The following MIR2052HG variants were observed in gnomAD, a reference collection of about 807,000 sequenced individuals.
The protein encoded by MIR2052HG is MIR2052 host gene.
At chr8:74,617,142 C>T (rs1200881689) in intron 2 of MIR2052HG, among the ~76,000 whole-genome samples, 3 of 152,090 alleles carry the variant, frequency 2.0e-5, no homozygotes, top group African/African-American at 4.8e-5. Context: ...TTCTTACATA[C>T]ATATATCATA....
intron 2 of MIR2052HG, among the ~76,000 whole-genome samples, chr8:74,669,409 A>T (rs1337276519): frequency 1.3e-5 from 2 of 152,192 alleles, no homozygotes; most frequent in Admixed American, 1.3e-4. Flanking sequence ...GCATATGCCC[A>T]TAAGTCTCCT....
chr8:74,634,124 C>T (rs1373599992), intron 2 of MIR2052HG, among the ~76,000 whole-genome samples: 1 of 152,170 alleles, frequency 6.6e-6, no homozygotes, highest in Non-Finnish European at 1.5e-5. Context: ...AGAAAGCATG[C>T]TTGCTCTTCA....
At chr8:74,723,201 G>A (rs6991391) in intron 4 of MIR2052HG, among the ~76,000 whole-genome samples, 3 of 151,994 alleles carry the variant, frequency 2.0e-5, no homozygotes, top group African/African-American at 2.4e-5. Flanking sequence ...CTTTCATCCC[G>A]CACTCAAGTC....
intron 2 of MIR2052HG, among the ~76,000 whole-genome samples, chr8:74,667,747 C>G (rs79851849): frequency 6.6e-6 from 1 of 152,046 alleles, no homozygotes; most frequent in African/African-American, 2.4e-5. Context: ...CTTTAACCAC[C>G]GCAGCACTCC....
intron 2 of MIR2052HG, among the ~76,000 whole-genome samples, chr8:74,684,868 A>G (rs1271639013): frequency 6.6e-6 from 1 of 152,144 alleles, no homozygotes; most frequent in African/African-American, 2.4e-5. Flanking sequence ...AATGGATTGG[A>G]GGGAATAATC....
intron 4 of MIR2052HG, among the ~76,000 whole-genome samples, chr8:74,712,366 T>C (rs1436726217): frequency 6.6e-6 from 1 of 152,176 alleles, no homozygotes; most frequent in Admixed American, 6.6e-5. Flanking sequence ...CAAATGCCCA[T>C]CATTCTGGCT....
intron 2 of MIR2052HG, among the ~76,000 whole-genome samples, chr8:74,630,231 T>G (rs1808489721): frequency 6.6e-6 from 1 of 152,118 alleles, no homozygotes; most frequent in Non-Finnish European, 1.5e-5. Context: ...AATACTCCCC[T>G]CCTTACCCAT....
chr8:74,697,259 A>G (rs1482368842), intron 2 of MIR2052HG, among the ~76,000 whole-genome samples: 3 of 152,142 alleles, frequency 2.0e-5, no homozygotes, highest in Non-Finnish European at 4.4e-5. Flanking sequence ...CAGAAAAAGC[A>G]TTTGACAAAA....
intron 2 of MIR2052HG, among the ~76,000 whole-genome samples, chr8:74,620,588 A>G (rs1426265181): frequency 6.6e-6 from 1 of 152,240 alleles, no homozygotes; most frequent in Admixed American, 6.5e-5. Flanking sequence ...TGGAGTTTGC[A>G]CTCTCTGAAG....
At chr8:74,643,246 C>T (rs541892576) in intron 2 of MIR2052HG, among the ~76,000 whole-genome samples, 25 of 152,282 alleles carry the variant, frequency 1.6e-4, no homozygotes, top group African/African-American at 5.8e-4. Context: ...CAGCTCTGCC[C>T]TGAACAACTG....
At chr8:74,605,986 C>G (rs1289379108) in intron 1 of MIR2052HG, among the ~76,000 whole-genome samples, 3 of 152,102 alleles carry the variant, frequency 2.0e-5, no homozygotes, top group South Asian at 2.1e-4. Flanking sequence ...TCTCTGGCCC[C>G]GAAGAAGGGG....
At chr8:74,644,798 G>A (rs1013940910) in intron 2 of MIR2052HG, among the ~76,000 whole-genome samples, 1 of 152,058 alleles carries the variant, frequency 6.6e-6, no homozygotes, top group Non-Finnish European at 1.5e-5. Context: ...GGCTGAGGTT[G>A]GAGTATCATT....
At chr8:74,702,530 T>C (rs980750962) in intron 3 of MIR2052HG, 2 of 322,544 alleles carry the variant, frequency 6.2e-6, no homozygotes, top group African/African-American at 2.2e-5. Context: ...GGGAATGGAA[T>C]ATACATGTAA....
intron 4 of MIR2052HG, among the ~76,000 whole-genome samples, chr8:74,711,990 G>A (rs1343960547): frequency 1.3e-5 from 2 of 152,098 alleles, no homozygotes; most frequent in Non-Finnish European, 2.9e-5. Flanking sequence ...CTCACCGTTT[G>A]CCATATTGGT....
intron 4 of MIR2052HG, among the ~76,000 whole-genome samples, chr8:74,712,360 T>C (rs1809476472): frequency 6.6e-6 from 1 of 152,192 alleles, no homozygotes; most frequent in African/African-American, 2.4e-5. Flanking sequence ...GGTTTTCAAA[T>C]GCCCATCATT....
intron 4 of MIR2052HG, among the ~76,000 whole-genome samples, chr8:74,737,094 G>A (rs1186350796): frequency 2.6e-5 from 4 of 152,122 alleles, no homozygotes; most frequent in Non-Finnish European, 5.9e-5. Flanking sequence ...GCAACAAATC[G>A]GACTAATTGC....
intron 4 of MIR2052HG, among the ~76,000 whole-genome samples, chr8:74,729,878 G>A (rs1169126324): frequency 1.3e-5 from 2 of 152,020 alleles, no homozygotes; most frequent in South Asian, 4.2e-4. Flanking sequence ...AAAGATTTTT[G>A]TGCTCTATGG....
At chr8:74,661,826 TCAAAGCATCCCTATGTTGTATGGGAACTA>T (rs1291441676) in intron 2 of MIR2052HG, among the ~76,000 whole-genome samples, 3 of 152,102 alleles carry the variant, frequency 2.0e-5, no homozygotes, top group Admixed American at 2.0e-4. Context: ...AAAAATAGAC[TCAAAGCATCCCTATGTTGTATGGGAACTA>T]CTATCATTCA....
intron 1 of MIR2052HG, chr8:74,604,291 G>A: frequency 1.4e-6 from 1 of 739,068 alleles, no homozygotes. Flanking sequence ...TCAAGTCTTT[G>A]GTCACTGATG....
Sources: gnomAD v4.1 joint callset for allele counts (sites outside exome capture counted in the v4.1 genomes callset) on GRCh38, gnomAD v4.1.1 for gene constraint, MANE v1.5 for transcripts, NCBI Gene and HGNC (gene_info 2026-07-23, HGNC 2026-07-21) for gene names.